USP6NL: variants seen among roughly 807,000 people sequenced by gnomAD.
USP6NL encodes the protein USP6 N-terminal-like protein.
USP6NL carries 26 observed loss-of-function variants against 61.9 expected under a neutral mutation model. The observed-to-expected ratio is 0.42, with a 90% CI of 0.31 to 0.58. The LOEUF is 0.58. USP6NL is among the 20% of genes least tolerant of loss of function. USP6NL has a pLI of 0.16. For missense variants in USP6NL, 1,114 were observed against 1,034.3 expected (o/e 1.08, Z -1.06); for synonymous variants, 432 against 390.1 (o/e 1.11, Z -1.27).
chr10:11,479,345 G>A (rs747155002), intron 14 of USP6NL, among the ~76,000 whole-genome samples: 13 of 152,084 alleles, frequency 8.5e-5, no homozygotes, highest in Non-Finnish European at 1.8e-4. Context: ...CACAGAAAAA[G>A]AAAGAAGGGT....
At chr10:11,517,283 C>G (rs1318812374) in intron 5 of USP6NL, among the ~76,000 whole-genome samples, 1 of 152,156 alleles carries the variant, frequency 6.6e-6, no homozygotes, top group Non-Finnish European at 1.5e-5. Flanking sequence ...TGGACTGCCA[C>G]AAACTTCACA....
intron 2 of USP6NL, among the ~76,000 whole-genome samples, chr10:11,538,281 C>A (rs916044643): frequency 6.6e-6 from 1 of 152,044 alleles, no homozygotes; most frequent in Non-Finnish European, 1.5e-5. Flanking sequence ...GAATTGTAAG[C>A]TGCTTAGATA....
At position 11,493,164 on chromosome 10, in the gene USP6NL, C is replaced by T. The variant is rs199573570; in HGVS notation, c.449G>A (p.Arg150His). The T allele has an allele frequency of 3.1e-6, 5 of 1,612,016 alleles. No homozygotes were observed. The highest frequency in any genetic ancestry group is 4.2e-6 in the Non-Finnish European group (5 of 1,179,062). The change falls in exon 8 of 15, where the codon CGC becomes CAC. Residue 150 changes from arginine (R) to histidine (H), a missense_variant. Arg to His is a conservative substitution (Grantham distance 29). Transcript: ENST00000609104. ...DIRQIDLDVN[R>H]TFRDHIMFRD... ...AAACATAATGTGGTCCCGAAATGTG[C>T]GGTTGACATCCAGGTCTATTTGTCT...
chr10:11,506,510 A>G (rs1009674955), intron 6 of USP6NL, among the ~76,000 whole-genome samples: 1 of 152,020 alleles, frequency 6.6e-6, no homozygotes, highest in Non-Finnish European at 1.5e-5. Flanking sequence ...ATTAGCAGGC[A>G]TGGTGGTGCT....
At chr10:11,471,938 C>T (rs981326215) in intron 14 of USP6NL, among the ~76,000 whole-genome samples, 9 of 149,812 alleles carry the variant, frequency 6.0e-5, no homozygotes, top group African/African-American at 2.2e-4. Context: ...AACAAACCTG[C>T]ACATTGTGCA....
In USP6NL at chr10:11,470,055, C is replaced by G. The variant is rs984800370; in HGVS notation, c.1079-6206G>C. ...CGTTTCCAGGGAGGCCCTCAGGCCCCCGGGGCAGCGCTGTGGAGGTAGTAA... is the reference window on the plus strand; with the variant it reads ...CGTTTCCAGGGAGGCCCTCAGGCCCGCGGGGCAGCGCTGTGGAGGTAGTAA... On this transcript the variant is annotated intron_variant, in intron 14 of 14. Coordinates refer to ENST00000609104, the MANE Select transcript of USP6NL (RefSeq NM_014688.5). The surrounding 1 kb of genome is among the most constrained non-coding windows in gnomAD (Gnocchi z 5.4). Among the ~76,000 whole-genome samples, 43 of 152,126 alleles carry G rather than the reference C, an allele frequency of 2.8e-4. No individual in the cohort carries two copies. Among genetic ancestry groups the G allele is most frequent in the Non-Finnish European group, 7.3e-5 (5 of 68,030 alleles).
intron 2 of USP6NL, among the ~76,000 whole-genome samples, chr10:11,556,446 A>G (rs1836708358): frequency 6.6e-6 from 1 of 152,210 alleles, no homozygotes; most frequent in South Asian, 2.1e-4. Flanking sequence ...TAACATATGT[A>G]AACAGACTAA....
At chr10:11,493,425 G>T (rs868292582) in intron 7 of USP6NL, among the ~76,000 whole-genome samples, 197 bp from the exon 8 acceptor site, 2 of 151,790 alleles carry the variant, frequency 1.3e-5, no homozygotes, top group African/African-American at 4.8e-5. Context: ...TTCTCCTACT[G>T]CCTGCTTCTC....
rs117899488 is a variant in USP6NL at position 11,470,912 on chromosome 10, G to A, written c.1079-7063C>T. On this transcript the variant is annotated intron_variant, in intron 14 of 14. Coordinates refer to ENST00000609104, the MANE Select transcript of USP6NL (RefSeq NM_014688.5). This position sits in a 1 kb window ranked among gnomAD's most constrained non-coding sequence, Gnocchi z 5.4. ...AAAACACAGGAATTGGAGGCCTGGC[G>A]TGGTGGCTCACGCCTGTAATCCCAG... is the stretch of plus-strand genomic sequence containing the variant. Among the ~76,000 whole-genome samples the A allele has an allele frequency of 3.0e-4, 46 of 152,310 alleles. No individual in the cohort carries two copies. The highest frequency in any genetic ancestry group is 2.9e-4 in the Non-Finnish European group (20 of 68,016).
In USP6NL at chr10:11,589,213, T is replaced by A. The variant is rs547955607; in HGVS notation, c.4+8418A>T. On this transcript the variant is annotated intron_variant, in intron 2 of 14. Coordinates refer to ENST00000609104, the MANE Select transcript of USP6NL (RefSeq NM_014688.5). This position sits in a 1 kb window ranked among gnomAD's most constrained non-coding sequence, Gnocchi z 4.7. ...TAATAAAGCATGCCAACAAAATACA[T>A]CCTACTAGTCACATTATAGTGGTCT... 6.6e-6 allele frequency among the ~76,000 whole-genome samples: 1 copy of A among 152,294 alleles called. No individual in the cohort carries two copies. The highest frequency in any genetic ancestry group is 2.4e-5 in the African/African-American group (1 of 41,566).
chr10:11,583,414 A>G (rs1837855576), intron 2 of USP6NL, among the ~76,000 whole-genome samples: 1 of 151,956 alleles, frequency 6.6e-6, no homozygotes, highest in Admixed American at 6.6e-5. Flanking sequence ...GATGGTCTCA[A>G]TCTCCTGACC....
intron 2 of USP6NL, among the ~76,000 whole-genome samples, chr10:11,569,164 C>T (rs958910415): frequency 1.3e-5 from 2 of 152,202 alleles, no homozygotes; most frequent in Non-Finnish European, 2.9e-5. Flanking sequence ...AAATTGTCAA[C>T]ATATATAGCA....
intron 6 of USP6NL, among the ~76,000 whole-genome samples, chr10:11,504,285 G>A (rs1834341731): frequency 6.6e-6 from 1 of 151,966 alleles, no homozygotes; most frequent in Admixed American, 6.6e-5. Context: ...AAAACAAAGT[G>A]GGAATTACCT....
chr10:11,574,821 C>T lies in USP6NL; in HGVS notation c.4+22810G>A, dbSNP rs1837483415. ...ATTTTCCCATTTTTCAGCTGGACAA[C>T]TGAGCACAGTGAATCAACCAAGGTT... On this transcript the variant is annotated intron_variant, in intron 2 of 14. Transcript: ENST00000609104. This position sits in a 1 kb window ranked among gnomAD's most constrained non-coding sequence, Gnocchi z 4.3. 6.6e-6 allele frequency among the ~76,000 whole-genome samples: 1 copy of T among 152,222 alleles called. No individual in the cohort carries two copies. Among genetic ancestry groups the T allele is most frequent in the African/African-American group, 2.4e-5 (1 of 41,452 alleles).
rs1299621969 is a variant in USP6NL at position 11,510,141 on chromosome 10, G to A, written c.196-466C>T. Among the ~76,000 whole-genome samples the A allele has an allele frequency of 6.6e-6, 1 of 152,112 alleles. No homozygotes were observed. The highest frequency in any genetic ancestry group is 2.4e-5 in the African/African-American group (1 of 41,418). On this transcript the variant is annotated intron_variant, in intron 5 of 14. Transcript: ENST00000609104. This position sits in a 1 kb window ranked among gnomAD's most constrained non-coding sequence, Gnocchi z 4.8. ...AAGATTAATGTGTAAGTAGCCTTAT[G>A]CTAGAGGGAAACTATTAAAAAAAAT...
At chr10:11,555,471 A>AGAGAGAAAGAGAG (rs1566178235) in intron 2 of USP6NL, among the ~76,000 whole-genome samples, 88 of 62,070 alleles carry the variant, frequency 1.4e-3, no homozygotes, top group Non-Finnish European at 1.9e-3. Context: ...GAGAGAGAGA[A>AGAGAGAAAGAGAG]AGAGAGAGAG....
At chr10:11,543,820 T>G (rs2133462626) in intron 2 of USP6NL, among the ~76,000 whole-genome samples, 2 of 133,590 alleles carry the variant, frequency 1.5e-5, no homozygotes, top group South Asian at 5.4e-4. Flanking sequence ...TTTTTTTTTT[T>G]TTTTTTTTTT....
rs1253804713 is a variant in USP6NL, at chr10:11,462,724, G to A, written c.2204C>T (p.Thr735Ile). Residue 735 changes from threonine to isoleucine, a missense_variant, in exon 15 of 15, where the codon ACA (threonine) becomes ATA (isoleucine). Physicochemically the swap from Thr to Ile is moderately conservative, Grantham distance 89. Coordinates refer to ENST00000609104, the MANE Select transcript of USP6NL (RefSeq NM_014688.5). ...GTATGTATAACTAACTTCTGACCAT[G>A]TTCTGTTATCTGGCAAGTAATCCAC... is the stretch of plus-strand genomic sequence containing the variant. ...PPVDYLPDNR[T>I]WSEVSYTYRP... The A allele has an allele frequency of 1.2e-6, 2 of 1,613,890 alleles. No individual in the cohort carries two copies. Among genetic ancestry groups the A allele is most frequent in the Non-Finnish European group, 1.7e-6 (2 of 1,179,910 alleles).
Position 11,465,158 on chromosome 10 carries a change from G to A in USP6NL, c.1079-1309C>T, listed in dbSNP as rs751223688. Among the ~76,000 whole-genome samples, 2 of 152,106 alleles carry A rather than the reference G, an allele frequency of 1.3e-5. No individual in the cohort carries two copies. Among genetic ancestry groups the A allele is most frequent in the Non-Finnish European group, 2.9e-5 (2 of 68,014 alleles). ...TAAAGACATGAATAATAGAAAGACT[G>A]AATTTATAAACTTTCCTTTAGTCCT... On this transcript the variant is annotated intron_variant, in intron 14 of 14. Coordinates refer to ENST00000609104, the MANE Select transcript of USP6NL (RefSeq NM_014688.5). The surrounding 1 kb of genome is among the most constrained non-coding windows in gnomAD (Gnocchi z 4.5).
Sources: gnomAD v4.1 joint callset for allele counts (sites outside exome capture counted in the v4.1 genomes callset) on GRCh38, gnomAD v4.1.1 for gene constraint, Gnocchi (gnomAD v3.1) non-coding constraint, MANE v1.5 for transcripts, NCBI Gene and HGNC (gene_info 2026-07-23, HGNC 2026-07-21) for gene names.